The following ADAMDEC1 variants were observed in gnomAD, a reference collection of about 807,000 sequenced individuals.
ADAMDEC1 encodes the protein ADAM DEC1.
ADAMDEC1 carries 62 observed loss-of-function variants against 60.4 expected under a neutral mutation model. The observed-to-expected ratio is 1.03, with a 90% CI of 0.84 to 1.27. ADAMDEC1 has a LOEUF of 1.27. ADAMDEC1 is among the 50% of genes most tolerant of loss of function. The pLI is 0.00. For missense variants in ADAMDEC1, 595 were observed against 565.0 expected (o/e 1.05, Z -0.54); for synonymous variants, 210 against 195.1 (o/e 1.08, Z -0.64).
intron 11 of ADAMDEC1, among the ~76,000 whole-genome samples, chr8:24,400,630 T>C (rs923842904): frequency 6.9e-6 from 1 of 144,558 alleles, no homozygotes; most frequent in African/African-American, 2.7e-5. Context: ...AATGTTTCTT[T>C]TCATATATAT....
chr8:24,385,254 C>T (rs1157849177), intron 1 of ADAMDEC1, among the ~76,000 whole-genome samples: 1 of 152,046 alleles, frequency 6.6e-6, no homozygotes, highest in African/African-American at 2.4e-5. Flanking sequence ...TGTGCTAAAC[C>T]CTATATTGAA....
Position 24,397,388 on chromosome 8 carries a change from T to C in ADAMDEC1, c.559T>C (p.Cys187Arg), listed in dbSNP as rs769254301. 1 of 1,614,050 alleles carries C rather than the reference T, an allele frequency of 6.2e-7. No individual in the cohort carries two copies. The highest frequency in any genetic ancestry group is 1.1e-5 in the South Asian group (1 of 91,078). The change falls in exon 6 of 14, where the codon TGT (cysteine) becomes CGT (arginine). Residue 187 changes from cysteine (C) to arginine (R), a missense_variant. Transcript: ENST00000256412. ...GGAACAAGACCCAGCTAACCACACA[T>C]GTGGTGTGAAGAGCACTGACGGGAA... is the stretch of plus-strand genomic sequence containing the variant. ...QEEQDPANHT[C>R]GVKSTDGKQG...
chr8:24,401,022 T>C (rs917664310), intron 11 of ADAMDEC1, among the ~76,000 whole-genome samples: 6 of 152,102 alleles, frequency 3.9e-5, no homozygotes, highest in Non-Finnish European at 8.8e-5. Context: ...CACATTTTCT[T>C]AATCCAGTCT....
At chr8:24,389,670 C>A (rs1817387794) in intron 1 of ADAMDEC1, among the ~76,000 whole-genome samples, 1 of 152,182 alleles carries the variant, frequency 6.6e-6, no homozygotes, top group African/African-American at 2.4e-5. Flanking sequence ...CTATTCATTT[C>A]CATAACCAAC....
intron 1 of ADAMDEC1, chr8:24,387,950 G>C (rs1450215597): frequency 6.6e-6 from 1 of 152,618 alleles, no homozygotes; most frequent in South Asian, 2.1e-4. Flanking sequence ...GGAGAAGCTG[G>C]AGCTGCTTGC....
chr8:24,393,983 A>G (rs1817516203), intron 3 of ADAMDEC1, 86 bp from the exon 4 acceptor site: 1 of 827,582 alleles, frequency 1.2e-6, no homozygotes, highest in African/African-American at 1.7e-5. Flanking sequence ...CATTGTAGAC[A>G]CTATCACTAT....
chr8:24,385,102 T>C (rs1817259927), intron 1 of ADAMDEC1, among the ~76,000 whole-genome samples: 1 of 152,170 alleles, frequency 6.6e-6, no homozygotes, highest in South Asian at 2.1e-4. Flanking sequence ...ATTGATATTA[T>C]TGATAGATGA....
At chr8:24,399,117 C>A in intron 9 of ADAMDEC1, 77 bp downstream of exon 9, 1 of 1,461,410 alleles carries the variant, frequency 6.8e-7, no homozygotes, top group Non-Finnish European at 9.3e-7. Flanking sequence ...GATTTCCACT[C>A]TGTAATATTT....
intron 5 of ADAMDEC1, 102 bp downstream of exon 5, chr8:24,395,898 A>G (rs995013813): frequency 3.2e-5 from 27 of 841,880 alleles, no homozygotes; most frequent in African/African-American, 2.4e-4. Context: ...TAAATTTTTC[A>G]TTGCTGAAAT....
chr8:24,388,256 C>T (rs1488479228), intron 1 of ADAMDEC1, among the ~76,000 whole-genome samples: 1 of 152,058 alleles, frequency 6.6e-6, no homozygotes, highest in African/African-American at 2.4e-5. Context: ...TAGTTTTTCC[C>T]ACCACTCTGA....
intron 1 of ADAMDEC1, among the ~76,000 whole-genome samples, chr8:24,389,050 C>T (rs1239323910): frequency 6.6e-6 from 1 of 152,000 alleles, no homozygotes; most frequent in African/African-American, 2.4e-5. Flanking sequence ...AGTTGTTTGA[C>T]CCAAGGGCAA....
chr8:24,398,781 C>A (rs1347986348), intron 8 of ADAMDEC1, 93 bp from the exon 9 acceptor site: 4 of 1,308,778 alleles, frequency 3.1e-6, no homozygotes, highest in Non-Finnish European at 3.2e-6. Context: ...TACTTGTAGT[C>A]CATCACTTTA....
At chr8:24,389,987 A>G (rs555124518) in intron 1 of ADAMDEC1, 2 of 313,082 alleles carry the variant, frequency 6.4e-6, no homozygotes, top group Admixed American at 3.8e-5. Flanking sequence ...AGTACTTATC[A>G]TCTTCCAACC....
chr8:24,392,427 G>A, intron 2 of ADAMDEC1, 47 bp downstream of exon 2: 1 of 1,418,472 alleles, frequency 7.0e-7, no homozygotes, highest in Non-Finnish European at 9.7e-7. Flanking sequence ...CATCCAAAGA[G>A]ACAATAAAAA....
chr8:24,400,410 C>T, intron 11 of ADAMDEC1, 110 bp downstream of exon 11: 1 of 1,192,662 alleles, frequency 8.4e-7, no homozygotes, highest in Non-Finnish European at 1.1e-6. Context: ...TTGTGTTGTT[C>T]CAAAACAGAT....
intron 3 of ADAMDEC1, among the ~76,000 whole-genome samples, 181 bp from the exon 4 acceptor site, chr8:24,393,888 A>G (rs150008666): frequency 6.6e-6 from 1 of 152,248 alleles, no homozygotes; most frequent in Non-Finnish European, 1.5e-5. Flanking sequence ...CGGATTTAAT[A>G]GGAAGAACCA....
At chr8:24,404,717 C>T (rs149250928) in intron 13 of ADAMDEC1, among the ~76,000 whole-genome samples, 2 of 152,254 alleles carry the variant, frequency 1.3e-5, no homozygotes, top group East Asian at 3.9e-4. Context: ...ATTTTCTTTA[C>T]TCCTCTTTCC....
intron 10 of ADAMDEC1, 150 bp downstream of exon 10, chr8:24,399,624 T>C (rs17799264): frequency 0.41 from 284,315 of 700,782 alleles, 62,111 homozygotes; most frequent in South Asian, 0.48. Context: ...GCACTGAAGA[T>C]CCCTTGGGTT....
In ADAMDEC1 at chr8:24,400,045, T is replaced by C. The variant is rs112929767; in HGVS notation, c.1012-125T>C. 2.2e-5 allele frequency: 16 copies of C among 731,536 alleles called. 1 individual carries two copies. Among genetic ancestry groups the C allele is most frequent in the African/African-American group, 1.2e-4 (7 of 56,394 alleles). 45.3% of individuals were successfully genotyped at this position (731,536 alleles called of 1,614,324 possible). ...TAAATGCTCTTTCAACGTTTTGCAA[T>C]ACACAGTGACAGGGAAAGGAGCTAA... is the stretch of plus-strand genomic sequence containing the variant. On this transcript the variant is annotated intron_variant, in intron 10 of 13. Transcript: ENST00000256412.
Sources: allele counts gnomAD v4.1 joint callset (sites outside exome capture counted in the v4.1 genomes callset), GRCh38; gene constraint gnomAD v4.1.1; transcripts MANE v1.5; gene names NCBI Gene and HGNC (gene_info 2026-07-23, HGNC 2026-07-21).